The following CHD9 variants were observed in gnomAD, a reference collection of about 807,000 sequenced individuals.
CHD9 encodes ATP-dependent chromatin remodeler CHD9.
Under a neutral mutation model 316.1 loss-of-function variants are expected in CHD9, and 77 were observed. The observed-to-expected ratio is 0.24, with a 90% CI of 0.20 to 0.29. CHD9 has a LOEUF of 0.29. Ranked by LOEUF, CHD9 falls within the 10% of genes least tolerant of loss-of-function variation. CHD9 has a pLI of 1.00. For missense variants in CHD9, 2,763 were observed against 3,438.1 expected (o/e 0.80, Z 4.91); for synonymous variants, 1,129 against 1,158.3 (o/e 0.97, Z 0.51).
chr16:53,314,704 G>A, intron 35 of CHD9, 119 bp from the exon 36 acceptor site: 1 of 1,058,486 alleles, frequency 9.4e-7, no homozygotes, highest in South Asian at 1.7e-5. Context: ...AAGTTTAAAA[G>A]ATTTAGCAGA....
At chr16:53,251,334 A>C (rs961583580) in intron 17 of CHD9, among the ~76,000 whole-genome samples, 2 of 152,232 alleles carry the variant, frequency 1.3e-5, no homozygotes, top group African/African-American at 4.8e-5. Flanking sequence ...CTAAAAGTTA[A>C]TTTAAAATAA....
intron 2 of CHD9, among the ~76,000 whole-genome samples, chr16:53,165,702 A>G (rs932979117): frequency 6.4e-5 from 8 of 124,990 alleles, no homozygotes; most frequent in African/African-American, 1.8e-4. Context: ...GAAAACCTAT[A>G]TAAAACTAAA....
chr16:53,187,839 T>C (rs1285322815), intron 2 of CHD9, among the ~76,000 whole-genome samples: 1 of 152,136 alleles, frequency 6.6e-6, no homozygotes, highest in Non-Finnish European at 1.5e-5. Flanking sequence ...AGTAAGAAAA[T>C]CAGGATATCA....
At chr16:53,080,115 T>C (rs995440086) in intron 1 of CHD9, among the ~76,000 whole-genome samples, 5 of 152,166 alleles carry the variant, frequency 3.3e-5, no homozygotes, top group African/African-American at 7.2e-5. Context: ...AGTGTCAGAA[T>C]TGAATTGCAT....
chr16:53,268,512 C>G (rs1290316195), intron 22 of CHD9, among the ~76,000 whole-genome samples: 1 of 152,110 alleles, frequency 6.6e-6, no homozygotes, highest in African/African-American at 2.4e-5. Flanking sequence ...AAACAAGTTT[C>G]AGAGAAGATC....
At chr16:53,113,693 G>A (rs2038048622) in intron 1 of CHD9, among the ~76,000 whole-genome samples, 1 of 151,704 alleles carries the variant, frequency 6.6e-6, no homozygotes, top group Non-Finnish European at 1.5e-5. Context: ...TTCTTTTTCT[G>A]TTTTGTTTTG....
chr16:53,314,528 A>T lies in CHD9; in HGVS notation c.7362+12A>T, dbSNP rs767353197. 5.2e-6 allele frequency: 8 copies of T among 1,540,662 alleles called. No homozygotes were observed. Among genetic ancestry groups the T allele is most frequent in the Non-Finnish European group, 7.0e-6 (8 of 1,142,418 alleles). Reference sequence around the variant, plus strand: ...AACCACCTAATCATGTAAGTAAAGCAGTACTTAAAAACTGATCCTTGAATT... The same window carrying T: ...AACCACCTAATCATGTAAGTAAAGCTGTACTTAAAAACTGATCCTTGAATT... On this transcript the variant is annotated intron_variant, in intron 35 of 38. Coordinates refer to ENST00000447540, the MANE Select transcript of CHD9 (RefSeq NM_001308319.2).
At chr16:53,191,139 T>C (rs1196442271) in intron 2 of CHD9, among the ~76,000 whole-genome samples, 1 of 152,172 alleles carries the variant, frequency 6.6e-6, no homozygotes, top group East Asian at 1.9e-4. Context: ...ACTGATTTAC[T>C]TTCTGCCACT....
intron 1 of CHD9, among the ~76,000 whole-genome samples, chr16:53,153,081 G>A (rs1014441795): frequency 1.3e-5 from 2 of 152,160 alleles, no homozygotes; most frequent in African/African-American, 4.8e-5. Flanking sequence ...TAGATGAGAC[G>A]TGAAAAACGA....
intron 1 of CHD9, among the ~76,000 whole-genome samples, chr16:53,104,774 T>C (rs2037177114): frequency 6.8e-6 from 1 of 147,780 alleles, no homozygotes; most frequent in African/African-American, 2.5e-5. Flanking sequence ...ATCGTGCCAC[T>C]GCACTCCAGC....
intron 1 of CHD9, among the ~76,000 whole-genome samples, chr16:53,076,883 C>T (rs1435868647): frequency 3.3e-5 from 5 of 152,178 alleles, no homozygotes; most frequent in Non-Finnish European, 5.9e-5. Context: ...GGCAGGATCA[C>T]AGCTCACTGC....
At chr16:53,127,588 G>C (rs1353778124) in intron 1 of CHD9, among the ~76,000 whole-genome samples, 4 of 152,072 alleles carry the variant, frequency 2.6e-5, no homozygotes, top group Non-Finnish European at 5.9e-5. Context: ...GTGTAACCAG[G>C]GCAAGATTTT....
chr16:53,168,692 C>G (rs2042451650), intron 2 of CHD9: 1 of 152,160 alleles, frequency 6.6e-6, no homozygotes, highest in Admixed American at 6.5e-5. Context: ...ACCAACCTAT[C>G]AGGTATTGTG....
intron 2 of CHD9, among the ~76,000 whole-genome samples, chr16:53,196,129 G>A (rs1046973291): frequency 1.3e-5 from 2 of 152,118 alleles, no homozygotes; most frequent in African/African-American, 4.8e-5. Context: ...TCACAGTCAA[G>A]AAACTGAGTT....
At chr16:53,247,790 AC>A (rs1032883022) in intron 16 of CHD9, 1 of 269,988 alleles carries the variant, frequency 3.7e-6, no homozygotes, top group Admixed American at 4.9e-5. Context: ...TGATTAATAA[AC>A]CTTGTGGATG....
chr16:53,271,709 C>T (rs896118394), intron 22 of CHD9, among the ~76,000 whole-genome samples: 55 of 151,674 alleles, frequency 3.6e-4, no homozygotes, highest in African/African-American at 1.1e-3. Flanking sequence ...ACCATGACTT[C>T]GAAAGAATAA....
intron 17 of CHD9, among the ~76,000 whole-genome samples, chr16:53,253,360 G>A (rs1421958678): frequency 3.9e-5 from 6 of 152,096 alleles, no homozygotes; most frequent in East Asian, 3.8e-4. Context: ...ACCAAACATC[G>A]TGTGTTCTCA....
chr16:53,290,365 G>A lies in CHD9; in HGVS notation c.5248-1360G>A, dbSNP rs1402339142. Among the ~76,000 whole-genome samples the A allele has an allele frequency of 6.6e-5, 10 of 152,248 alleles. No homozygotes were observed. In the South Asian group the frequency reaches 8.3e-4, roughly 13 times the overall value. ...TGGAGGTGATCACCAGAATTAGGAC[G>A]TAAAACCCTTTTCCTCTACAGTGTC... On this transcript the variant is annotated intron_variant, in intron 27 of 38. Transcript: ENST00000447540.
chr16:53,240,380 C>A (rs2048990160), intron 12 of CHD9, among the ~76,000 whole-genome samples: 1 of 151,980 alleles, frequency 6.6e-6, no homozygotes, highest in Admixed American at 6.6e-5. Flanking sequence ...ATGAGTTTGG[C>A]ATAAATATGA....
Sources: gnomAD v4.1 joint callset for allele counts (sites outside exome capture counted in the v4.1 genomes callset) on GRCh38, gnomAD v4.1.1 for gene constraint, MANE v1.5 for transcripts, NCBI Gene and HGNC (gene_info 2026-07-23, HGNC 2026-07-21) for gene names.